The following CAGE1 variants were observed in gnomAD, a reference collection of about 807,000 sequenced individuals.
CAGE1 encodes cancer-associated gene 1 protein.
CAGE1 carries 66 observed loss-of-function variants against 94.9 expected under a neutral mutation model. The observed-to-expected ratio is 0.70, with a 90% CI of 0.57 to 0.85. CAGE1 has a LOEUF of 0.85. CAGE1 is among the 40% of genes least tolerant of loss of function. The probability of loss-of-function intolerance (pLI) is 0.00; values close to 1 mark genes in which losing one functional copy is unlikely to be tolerated. For missense variants in CAGE1, 865 were observed against 950.4 expected (o/e 0.91, Z 1.18); for synonymous variants, 319 against 321.0 (o/e 0.99, Z 0.07).
intron 11 of CAGE1, chr6:7,338,985 G>C: frequency 6.2e-7 from 1 of 1,608,452 alleles, no homozygotes; most frequent in South Asian, 1.1e-5. Flanking sequence ...AATCTTACCA[G>C]TTGGGTCCCA....
At chr6:7,369,544 G>A (rs1284614564) in intron 6 of CAGE1, among the ~76,000 whole-genome samples, 21 of 152,122 alleles carry the variant, frequency 1.4e-4, no homozygotes, top group African/African-American at 4.8e-5. Context: ...CTAACCAAAC[G>A]TGGTATTTTA....
chr6:7,346,853 A>C (rs1759563095), intron 11 of CAGE1, among the ~76,000 whole-genome samples: 1 of 104,114 alleles, frequency 9.6e-6, no homozygotes, highest in Admixed American at 9.4e-5. Flanking sequence ...GCAAGACTCT[A>C]TCTCAAAAAA....
At chr6:7,345,093 A>G (rs1365569053) in intron 11 of CAGE1, among the ~76,000 whole-genome samples, 1 of 151,766 alleles carries the variant, frequency 6.6e-6, no homozygotes, top group Non-Finnish European at 1.5e-5. Flanking sequence ...CCCTGCAGTA[A>G]ATCTTAACTC....
chr6:7,341,533 AT>A, intron 11 of CAGE1: 1 of 1,226,712 alleles, frequency 8.2e-7, no homozygotes, highest in Non-Finnish European at 1.2e-6. Context: ...CTGAGGGTTG[AT>A]TAGCACAAGG....
Position 7,326,704 on chromosome 6 carries a change from GAAGAA to G in CAGE1, c.*149_*153del. 2 of 649,376 alleles carry G rather than the reference GAAGAA, an allele frequency of 3.1e-6. No individual in the cohort carries two copies. 40.2% of individuals were successfully genotyped at this position (649,376 alleles called of 1,614,324 possible). On this transcript the variant is annotated 3_prime_UTR_variant, in exon 14 of 14. Coordinates refer to ENST00000502583, the MANE Select transcript of CAGE1 (RefSeq NM_001170692.2). Reference sequence around the variant, plus strand: ...TTTGATTATTCACAGGAAGAAATTAGAAGAAAAGTAATCACATCTTTGGAATGTAA... The same window carrying G: ...TTTGATTATTCACAGGAAGAAATTAGAAGTAATCACATCTTTGGAATGTAA...
At chr6:7,327,077 G>A (rs540471775) in intron 13 of CAGE1, among the ~76,000 whole-genome samples, 178 bp from the exon 14 acceptor site, 1 of 152,200 alleles carries the variant, frequency 6.6e-6, no homozygotes, top group South Asian at 2.1e-4. Flanking sequence ...TTTTGAGACA[G>A]AGTCTCACTC....
chr6:7,385,882 TA>T lies in CAGE1; in HGVS notation c.196-11del, dbSNP rs1453446910. ...AATTCTTTATTTCGTTCTGTATTAA[TA>T]AAAAAGGCATCAATACTTCAAGCAA... On this transcript the variant is annotated splice_polypyrimidine_tract_variant and intron_variant, in intron 2 of 13. Transcript: ENST00000502583. The T allele has an allele frequency of 5.6e-6, 8 of 1,434,518 alleles. No individual in the cohort carries two copies. In the Admixed American group the frequency reaches 6.9e-5, roughly 12 times the overall value. 88.9% of individuals were successfully genotyped at this position (1,434,518 alleles called of 1,614,324 possible).
Position 7,365,993 on chromosome 6 carries a change from CCCA to C in CAGE1, c.2005-112_2005-110del. 3 of 648,926 alleles carry C rather than the reference CCCA, an allele frequency of 4.6e-6. No individual in the cohort carries two copies. The South Asian group carries it at 6.5e-5, about 14-fold the overall frequency. 40.2% of individuals were successfully genotyped at this position (648,926 alleles called of 1,614,324 possible). The stretch of plus-strand genomic sequence containing the variant: ...GGGCGTAGTGGCTCATGCCTATAAT[CCCA>C]GCACTTTGGGATGCTGAGGCGGGTG... On this transcript the variant is annotated intron_variant, in intron 7 of 13. Coordinates refer to ENST00000502583, the MANE Select transcript of CAGE1 (RefSeq NM_001170692.2).
rs775866207 is a variant in CAGE1 at position 7,379,035 on chromosome 6, AAAG to A, written c.284-18_284-16del. 3 of 1,465,124 alleles carry A rather than the reference AAAG, an allele frequency of 2.0e-6. No homozygotes were observed. Among genetic ancestry groups the A allele is most frequent in the Non-Finnish European group, 2.7e-6 (3 of 1,109,082 alleles). 90.8% of individuals were successfully genotyped at this position (1,465,124 alleles called of 1,614,324 possible). ...AATGTTGTTATCTCATAAGAAAGAG[AAAG>A]AAGGAAATAAAAACGAGTAGACCAT... On this transcript the variant is annotated splice_polypyrimidine_tract_variant and intron_variant, in intron 3 of 13. Transcript: ENST00000502583.
chr6:7,368,637 ATT>A, intron 7 of CAGE1, 49 bp downstream of exon 7: 1 of 996,236 alleles, frequency 1.0e-6, no homozygotes, highest in Non-Finnish European at 1.5e-6. Context: ...CCTTTTAACT[ATT>A]TTTTCACTAA....
chr6:7,372,423 A>T (rs933429746), intron 5 of CAGE1, among the ~76,000 whole-genome samples: 1 of 149,980 alleles, frequency 6.7e-6, no homozygotes. Flanking sequence ...GTGAGCCAAG[A>T]TCGTGTCACT....
chr6:7,349,229 A>G (rs925353894), intron 11 of CAGE1, among the ~76,000 whole-genome samples: 3 of 152,196 alleles, frequency 2.0e-5, no homozygotes, highest in Non-Finnish European at 2.9e-5. Context: ...AAACCCTACA[A>G]GCTAGAAGGG....
At chr6:7,338,982 C>A (rs1759068990) in intron 11 of CAGE1, 1 of 1,608,400 alleles carries the variant, frequency 6.2e-7, no homozygotes, top group Non-Finnish European at 8.5e-7. Context: ...GCCAATCTTA[C>A]CAGTTGGGTC....
chr6:7,354,412 A>C (rs1759883739), intron 11 of CAGE1, among the ~76,000 whole-genome samples: 1 of 152,192 alleles, frequency 6.6e-6, no homozygotes, highest in Non-Finnish European at 1.5e-5. Context: ...TAAGATACAA[A>C]TGCATGCACT....
At chr6:7,380,812 C>T (rs986745664) in intron 3 of CAGE1, among the ~76,000 whole-genome samples, 13 of 152,072 alleles carry the variant, frequency 8.5e-5, no homozygotes, top group African/African-American at 3.1e-4. Context: ...AACATGTTTC[C>T]TTCTATGCCA....
chr6:7,345,079 T>C (rs1759385548), intron 11 of CAGE1, among the ~76,000 whole-genome samples: 1 of 151,852 alleles, frequency 6.6e-6, no homozygotes. Context: ...GCTTTGTTCT[T>C]TCACCCTGCA....
intron 11 of CAGE1, among the ~76,000 whole-genome samples, chr6:7,337,148 C>T (rs1758982218): frequency 6.6e-6 from 1 of 151,760 alleles, no homozygotes; most frequent in Non-Finnish European, 1.5e-5. Context: ...TGGTGAAACC[C>T]CGTCTCTACT....
intron 10 of CAGE1, 121 bp downstream of exon 10, chr6:7,355,902 CTG>C: frequency 1.7e-6 from 1 of 598,422 alleles, no homozygotes. Context: ...ACTCATGAGA[CTG>C]AGGCAAGGAG....
intron 4 of CAGE1, among the ~76,000 whole-genome samples, chr6:7,378,210 T>TA (rs35634939): frequency 7.9e-5 from 12 of 152,198 alleles, no homozygotes; most frequent in African/African-American, 2.4e-4. Flanking sequence ...AAAATTATGG[T>TA]AAAAAAAGCT....
Sources: allele counts gnomAD v4.1 joint callset (sites outside exome capture counted in the v4.1 genomes callset), GRCh38; gene constraint gnomAD v4.1.1; transcripts MANE v1.5; gene names NCBI Gene and HGNC (gene_info 2026-07-23, HGNC 2026-07-21).